Variants in JARID2 observed in about 807,000 individuals in gnomAD.
JARID2 encodes the protein jumonji and AT-rich interaction domain containing 2.
In JARID2, 21 loss-of-function variants were observed where a neutral mutation model predicts 125.6. That is an observed-to-expected ratio of 0.17 (90% CI 0.12 to 0.24). JARID2 has a LOEUF of 0.24. Among genes scored for constraint, JARID2 ranks in the 10% least tolerant of loss-of-function variants. The pLI is 1.00. For synonymous variants in JARID2, 736 were observed against 661.6 expected, an observed-to-expected ratio of 1.11 and a Z score of -1.73; for missense variants, 1,303 against 1,639.6, an observed-to-expected ratio of 0.79 and a Z score of 3.55.
intron 3 of JARID2, among the ~76,000 whole-genome samples, chr6:15,432,554 G>A (rs1471601670): frequency 6.6e-6 from 1 of 152,210 alleles, no homozygotes; most frequent in Non-Finnish European, 1.5e-5. Context: ...AGAATTTTCT[G>A]GGGTTCAAAT....
intron 1 of JARID2, among the ~76,000 whole-genome samples, chr6:15,347,214 C>G (rs949921198): frequency 1.3e-5 from 2 of 152,092 alleles, no homozygotes; most frequent in Non-Finnish European, 2.9e-5. Context: ...AATTTATGGG[C>G]AGAATGAGGA....
intron 1 of JARID2, among the ~76,000 whole-genome samples, chr6:15,347,668 T>C (rs1268625024): frequency 6.6e-6 from 1 of 152,212 alleles, no homozygotes; most frequent in Non-Finnish European, 1.5e-5. Flanking sequence ...ACATTTCCAC[T>C]TTGTGTATGT....
chr6:15,283,366 A>T (rs1581366085), intron 1 of JARID2, among the ~76,000 whole-genome samples: 1 of 129,756 alleles, frequency 7.7e-6, no homozygotes, highest in Non-Finnish European at 1.6e-5. Flanking sequence ...TTTGAGATGG[A>T]GTCTCACTCT....
chr6:15,390,525 G>A (rs1319932940), intron 2 of JARID2, among the ~76,000 whole-genome samples: 1 of 152,186 alleles, frequency 6.6e-6, no homozygotes, highest in South Asian at 2.1e-4. Context: ...GTTCTTGGTA[G>A]TGGATGTTGA....
At chr6:15,250,344 T>C (rs1292297045) in intron 1 of JARID2, among the ~76,000 whole-genome samples, 2 of 152,224 alleles carry the variant, frequency 1.3e-5, no homozygotes, top group Non-Finnish European at 2.9e-5. Flanking sequence ...TTAAAACTTA[T>C]TCATCACAAA....
Position 15,496,596 on chromosome 6 carries a change from C to G in JARID2, c.1371C>G (p.Pro457=). 6.2e-7 allele frequency: 1 copy of G among 1,602,988 alleles called. No homozygotes were observed. Among genetic ancestry groups the G allele is most frequent in the Non-Finnish European group, 8.5e-7 (1 of 1,176,216 alleles). ...AGGCGGAGAAGCCGCAGTCGCCCCC[C>G]AAGAAGATGAAAGGGGCGGCTGGCC... ...AHQAEKPQSP[P]KKMKGAAGPA... is the part of the protein sequence containing the mutation. Residue 457 remains proline, a synonymous_variant, in exon 7 of 18, where the codon CCC becomes CCG. Transcript: ENST00000341776.
chr6:15,359,404 A>G (rs1763713103), intron 1 of JARID2, among the ~76,000 whole-genome samples: 1 of 152,076 alleles, frequency 6.6e-6, no homozygotes, highest in Non-Finnish European at 1.5e-5. Context: ...TTGACTGGAG[A>G]GAAAGTTCAT....
At chr6:15,274,812 C>T (rs1398007957) in intron 1 of JARID2, among the ~76,000 whole-genome samples, 3 of 152,162 alleles carry the variant, frequency 2.0e-5, no homozygotes, top group African/African-American at 4.8e-5. Context: ...CCTGATTCTT[C>T]CTTCTAGTCC....
At chr6:15,358,230 A>C (rs1480551745) in intron 1 of JARID2, among the ~76,000 whole-genome samples, 1 of 152,238 alleles carries the variant, frequency 6.6e-6, no homozygotes, top group Non-Finnish European at 1.5e-5. Flanking sequence ...ATTTCTGCTT[A>C]TAAGCGTTTC....
At chr6:15,376,815 T>C (rs1277185814) in intron 2 of JARID2, among the ~76,000 whole-genome samples, 1 of 152,180 alleles carries the variant, frequency 6.6e-6, no homozygotes, top group Non-Finnish European at 1.5e-5. Flanking sequence ...GAAAACAGAA[T>C]TGGTATCATG....
At chr6:15,260,584 A>G (rs762894473) in intron 1 of JARID2, among the ~76,000 whole-genome samples, 4 of 152,250 alleles carry the variant, frequency 2.6e-5, no homozygotes, top group Non-Finnish European at 5.9e-5. Context: ...TATAAACACC[A>G]TCAATTAGTT....
chr6:15,304,389 C>T (rs1761746591), intron 1 of JARID2, among the ~76,000 whole-genome samples: 3 of 133,742 alleles, frequency 2.2e-5, no homozygotes, highest in Admixed American at 9.2e-5. Context: ...ATAATTTATT[C>T]ACTTTTTTTA....
chr6:15,293,079 G>C, intron 1 of JARID2, among the ~76,000 whole-genome samples: 1 of 152,192 alleles, frequency 6.6e-6, no homozygotes, highest in East Asian at 1.9e-4. Flanking sequence ...GCCTGCTTGG[G>C]AAGTTGATCT....
intron 1 of JARID2, among the ~76,000 whole-genome samples, chr6:15,269,567 T>TA (rs1367646386): frequency 2.1e-5 from 3 of 145,686 alleles, no homozygotes; most frequent in African/African-American, 7.6e-5. Flanking sequence ...GATGGCTATT[T>TA]TAAAATTTTT....
chr6:15,489,098 G>GA (rs1475818000), intron 6 of JARID2, among the ~76,000 whole-genome samples: 1 of 152,210 alleles, frequency 6.6e-6, no homozygotes, highest in Non-Finnish European at 1.5e-5. Context: ...AACAGAATTA[G>GA]AAGCAACCCA....
chr6:15,484,340 G>C (rs1345085157), intron 5 of JARID2, among the ~76,000 whole-genome samples: 1 of 152,230 alleles, frequency 6.6e-6, no homozygotes, highest in Non-Finnish European at 1.5e-5. Context: ...AGTAGGAGAC[G>C]TAACAGGCAT....
At chr6:15,261,555 T>A in intron 1 of JARID2, among the ~76,000 whole-genome samples, 1 of 152,032 alleles carries the variant, frequency 6.6e-6, no homozygotes, top group East Asian at 1.9e-4. Flanking sequence ...CTCTTGACGT[T>A]GTGATCTGCC....
chr6:15,483,378 G>GAAAAAAAA (rs1221203609), intron 5 of JARID2, among the ~76,000 whole-genome samples: 6 of 115,712 alleles, frequency 5.2e-5, no homozygotes, highest in Admixed American at 3.0e-4. Flanking sequence ...ATTCTTAAGT[G>GAAAAAAAA]AAACTGGCTG....
At chr6:15,391,075 G>A (rs1037509966) in intron 2 of JARID2, among the ~76,000 whole-genome samples, 1 of 152,202 alleles carries the variant, frequency 6.6e-6, no homozygotes, top group Admixed American at 6.5e-5. Flanking sequence ...ACAGTACCCC[G>A]TGACTTCCTA....
Sources: gnomAD v4.1 joint callset for allele counts (sites outside exome capture counted in the v4.1 genomes callset) on GRCh38, gnomAD v4.1.1 for gene constraint, MANE v1.5 for transcripts, NCBI Gene and HGNC (gene_info 2026-07-23, HGNC 2026-07-21) for gene names.